Variants in SLC30A5 observed in about 807,000 individuals in gnomAD.
SLC30A5 encodes the protein solute carrier family 30 member 5.
Under a neutral mutation model 79.6 loss-of-function variants are expected in SLC30A5, and 33 were observed. The ratio of observed to expected loss-of-function variants is 0.41; its 90% confidence interval spans 0.31 to 0.55. SLC30A5 has a LOEUF of 0.55. Among genes scored for constraint, SLC30A5 ranks in the 20% least tolerant of loss-of-function variants. The pLI, the probability that SLC30A5 is intolerant of heterozygous loss-of-function variation, is 0.20. For synonymous variants in SLC30A5, 299 were observed against 319.7 expected (o/e 0.94, Z 0.69); for missense variants, 788 against 928.1 (o/e 0.85, Z 1.96).
chr5:69,106,046 A>T (rs1276370565), intron 4 of SLC30A5, among the ~76,000 whole-genome samples: 1 of 152,238 alleles, frequency 6.6e-6, no homozygotes, highest in Non-Finnish European at 1.5e-5. Context: ...CACTCAGAAT[A>T]GTGGGGTAGA....
chr5:69,100,756 C>G (rs770963230), intron 1 of SLC30A5, 51 bp from the exon 2 acceptor site: 1 of 1,498,322 alleles, frequency 6.7e-7, no homozygotes, highest in African/African-American at 1.4e-5. Flanking sequence ...GATTGATGAG[C>G]TGCTTGTAAT....
chr5:69,129,525 T>C lies in SLC30A5; in HGVS notation c.2206T>C (p.Ser736Pro). Residue 736 changes from serine (S) to proline (P), a missense_variant, in exon 16 of 16, where the codon TCT becomes CCT. Ser to Pro is a moderately conservative substitution (Grantham distance 74). Coordinates refer to ENST00000396591, the MANE Select transcript of SLC30A5 (RefSeq NM_022902.5). The stretch of plus-strand genomic sequence containing the variant: ...AAAGGAGGCATACTTTCAACATATG[T>C]CTGGCCTAAGTACTGGATTTCATGA... ...VEKEAYFQHM[S>P]GLSTGFHDVL... The C allele has an allele frequency of 6.2e-7, 1 of 1,613,682 alleles. No homozygotes were observed. The highest frequency in any genetic ancestry group is 1.1e-5 in the South Asian group (1 of 91,060).
chr5:69,101,055 A>G, intron 2 of SLC30A5, 126 bp downstream of exon 2: 1 of 868,878 alleles, frequency 1.2e-6, no homozygotes, highest in Non-Finnish European at 1.7e-6. Context: ...TATTTGATAA[A>G]CTTTTTTAAC....
intron 14 of SLC30A5, among the ~76,000 whole-genome samples, chr5:69,126,690 A>C (rs2112004850): frequency 6.6e-6 from 1 of 151,894 alleles, no homozygotes; most frequent in Non-Finnish European, 1.5e-5. Flanking sequence ...GAATCGCTTG[A>C]ACCCAGGAGG....
At chr5:69,108,761 A>G (rs1580172982) in intron 5 of SLC30A5, among the ~76,000 whole-genome samples, 1 of 150,228 alleles carries the variant, frequency 6.7e-6, no homozygotes, top group Admixed American at 6.7e-5. Context: ...GGCGGAGGTT[A>G]CAGTGAGCTG....
intron 15 of SLC30A5, among the ~76,000 whole-genome samples, chr5:69,129,109 G>A (rs1746780919): frequency 6.6e-6 from 1 of 152,154 alleles, no homozygotes; most frequent in African/African-American, 2.4e-5. Context: ...TGCCTGGCCT[G>A]TAACTATTTT....
rs114450881 is a variant in SLC30A5 at position 69,113,010 on chromosome 5, T to G, written c.448-130T>G. 2,189 of 670,234 alleles carry G rather than the reference T, an allele frequency of 3.3e-3. 46 individuals are homozygous for G. The African/African-American group carries it at 0.037, about 11-fold the overall frequency. The allele number at this position is 670,234 out of a possible 1,614,324, so 41.5% of individuals were successfully genotyped here. ...TGTAAGAGCTTTAATGTCAGATTTT[T>G]TTCTGTTTTTTAATGCATTTTTGTA... On this transcript the variant is annotated intron_variant, in intron 5 of 15. Coordinates refer to ENST00000396591, the MANE Select transcript of SLC30A5 (RefSeq NM_022902.5).
At chr5:69,107,190 C>T (rs953838566) in intron 4 of SLC30A5, among the ~76,000 whole-genome samples, 19 of 152,108 alleles carry the variant, frequency 1.2e-4, no homozygotes, top group African/African-American at 4.6e-4. Context: ...AAGACATGCA[C>T]ACATTAGCCT....
At chr5:69,118,257 TTATA>T (rs1238931124) in intron 11 of SLC30A5, 4 of 146,088 alleles carry the variant, frequency 2.7e-5, no homozygotes, top group Admixed American at 7.6e-5. Flanking sequence ...CGTTAAAATG[TTATA>T]TATTCATATA....
At chr5:69,112,314 G>T (rs1302013781) in intron 5 of SLC30A5, among the ~76,000 whole-genome samples, 2 of 151,868 alleles carry the variant, frequency 1.3e-5, no homozygotes, top group East Asian at 3.9e-4. Context: ...GGAATGTATA[G>T]TAATGCTATT....
At chr5:69,096,835 C>T (rs1389807898) in intron 1 of SLC30A5, among the ~76,000 whole-genome samples, 5 of 151,952 alleles carry the variant, frequency 3.3e-5, no homozygotes, top group Non-Finnish European at 7.4e-5. Flanking sequence ...GTGGCAGTGC[C>T]TATAGTTCCA....
In SLC30A5 at chr5:69,108,386, A is replaced by C. The variant is rs773641266; in HGVS notation, c.397A>C (p.Ile133Leu). 6.8e-6 allele frequency: 11 copies of C among 1,613,816 alleles called. No individual in the cohort carries two copies. Among genetic ancestry groups the C allele is most frequent in the Non-Finnish European group, 8.5e-6 (10 of 1,179,920 alleles). Residue 133 changes from isoleucine (I) to leucine (L), a missense_variant, in exon 5 of 16, where the codon ATT becomes CTT. By Grantham distance (5) the Ile-to-Leu change is conservative. Coordinates refer to ENST00000396591, the MANE Select transcript of SLC30A5 (RefSeq NM_022902.5). ...ATTTGAGCACAGTGATATTGTTGTCATTTCACTACTCAGTGTTTTGTTCAC... is the reference window on the plus strand; with the variant it reads ...ATTTGAGCACAGTGATATTGTTGTCCTTTCACTACTCAGTGTTTTGTTCAC... ...LLFEHSDIVV[I>L]SLLSVLFTSS...
chr5:69,109,935 C>T (rs776847484), intron 5 of SLC30A5, among the ~76,000 whole-genome samples: 4 of 152,216 alleles, frequency 2.6e-5, no homozygotes, highest in East Asian at 3.9e-4. Context: ...TCAGCAGCTG[C>T]GGCCCTGACA....
At chr5:69,104,590 TA>T in intron 3 of SLC30A5, 40 bp from the exon 4 acceptor site, 1 of 1,489,260 alleles carries the variant, frequency 6.7e-7, no homozygotes, top group Non-Finnish European at 9.0e-7. Context: ...TAGCAAAATA[TA>T]TGTGACTGAA....
chr5:69,128,248 C>CACT, intron 15 of SLC30A5, 116 bp downstream of exon 15: 4 of 463,260 alleles, frequency 8.6e-6, no homozygotes, highest in Non-Finnish European at 1.3e-5. Context: ...AATCTTCCAA[C>CACT]TCTTTTTTTT....
At chr5:69,101,846 A>G (rs2111939468) in intron 2 of SLC30A5, among the ~76,000 whole-genome samples, 1 of 151,074 alleles carries the variant, frequency 6.6e-6, no homozygotes, top group South Asian at 2.1e-4. Flanking sequence ...AATCCCAGCT[A>G]CAAGGGGTGC....
In SLC30A5 at chr5:69,116,043, T is replaced by C. The variant is rs986794214; in HGVS notation, c.901T>C (p.Cys301Arg). The C allele has an allele frequency of 6.2e-7, 1 of 1,614,158 alleles. No homozygotes were observed. Among genetic ancestry groups the C allele is most frequent in the African/African-American group, 1.3e-5 (1 of 75,044 alleles). ...TTCAGTCAAAATGGAAGTTTCCAAATGTGCTCGTTATGGATCCTTTCCCAT... is the reference window on the plus strand; with the variant it reads ...TTCAGTCAAAATGGAAGTTTCCAAACGTGCTCGTTATGGATCCTTTCCCAT... ...ICSVKMEVSKCARYGSFPIFI... is the reference protein window; with the variant it reads ...ICSVKMEVSKRARYGSFPIFI... Residue 301 changes from cysteine (C) to arginine (R), a missense_variant, in exon 9 of 16, where the codon TGT (cysteine) becomes CGT (arginine). Physicochemically the swap from Cys to Arg is radical, Grantham distance 180. This residue lies in a region of SLC30A5 where 626 missense variants were observed against 755.5 expected (regional missense o/e 0.83). Coordinates refer to ENST00000396591, the MANE Select transcript of SLC30A5 (RefSeq NM_022902.5). The surrounding 1 kb of genome is among the most constrained non-coding windows in gnomAD (Gnocchi z 4.0).
Position 69,129,584 on chromosome 5 carries a change from G to T in SLC30A5, c.2265G>T (p.Met755Ile), listed in dbSNP as rs2112012409. The part of the protein sequence containing the change: ...VLAMTKQMES[M>I]KYCKDGTYIM ...CTATGACAAAACAAATGGAATCCAT[G>T]AAATACTGCAAAGATGGTACTTACA... Residue 755 changes from methionine (M) to isoleucine (I), a missense_variant, in exon 16 of 16, where the codon ATG (methionine) becomes ATT (isoleucine). By Grantham distance (10) the Met-to-Ile change is conservative. Around this residue, in one of 3 missense-constraint regions of SLC30A5, gnomAD observed 158 missense variants for 156.2 expected, o/e 1.01. Transcript: ENST00000396591. The T allele has an allele frequency of 1.9e-6, 3 of 1,613,072 alleles. No homozygotes were observed. The highest frequency in any genetic ancestry group is 2.5e-6 in the Non-Finnish European group (3 of 1,179,598).
chr5:69,126,485 A>G (rs9291940), intron 14 of SLC30A5, among the ~76,000 whole-genome samples: 62,113 of 151,764 alleles, frequency 0.41, 12,925 homozygotes, highest in East Asian at 0.53. Context: ...GTTGTAGGCC[A>G]GGCGTGGCGG....
Sources: gnomAD v4.1 joint callset for allele counts (sites outside exome capture counted in the v4.1 genomes callset) on GRCh38, gnomAD v4.1.1 for gene constraint, gnomAD v4.1.1 regional missense constraint, Gnocchi (gnomAD v3.1) non-coding constraint, MANE v1.5 for transcripts, NCBI Gene and HGNC (gene_info 2026-07-23, HGNC 2026-07-21) for gene names.